Variants in IL1RAP observed in about 807,000 individuals in gnomAD.
IL1RAP encodes interleukin 1 receptor accessory protein.
IL1RAP carries 35 observed loss-of-function variants against 60.7 expected under a neutral mutation model. The ratio of observed to expected loss-of-function variants is 0.58; its 90% CI spans 0.44 to 0.76. The LOEUF (loss-of-function observed/expected upper bound fraction) is 0.76. IL1RAP is among the 30% of genes least tolerant of loss of function. IL1RAP has a pLI of 0.00. For missense variants in IL1RAP, 572 were observed against 693.9 expected, an observed-to-expected ratio of 0.82 and a Z score of 1.97; for synonymous variants, 268 against 250.9, an observed-to-expected ratio of 1.07 and a Z score of -0.64.
intron 9 of IL1RAP, among the ~76,000 whole-genome samples, chr3:190,638,161 A>G (rs893081889): frequency 7.9e-5 from 12 of 152,050 alleles, no homozygotes; most frequent in South Asian, 4.1e-4. Context: ...ATGAATACCT[A>G]TGAGTGGAAT....
chr3:190,591,999 A>G (rs1728982732), intron 3 of IL1RAP, among the ~76,000 whole-genome samples: 1 of 152,134 alleles, frequency 6.6e-6, no homozygotes, highest in South Asian at 2.1e-4. Context: ...CAGAAGAAGC[A>G]TACTCAGAAT....
Position 190,524,786 on chromosome 3 carries a change from G to A in IL1RAP, c.-89+10567G>A, listed in dbSNP as rs149800523. On this transcript the variant is annotated intron_variant, in intron 1 of 11. Coordinates refer to ENST00000447382, the MANE Select transcript of IL1RAP (RefSeq NM_002182.4). ...TAGTGTGATTATTTGTCCCCAAGAA[G>A]TAGAAAGAGATAGAACCGGATAAGA... 1.6e-3 allele frequency among the ~76,000 whole-genome samples: 249 copies of A among 152,184 alleles called. 1 individual carries two copies. The highest frequency in any genetic ancestry group is 5.7e-3 in the African/African-American group (236 of 41,532).
chr3:190,634,997 G>A (rs1366392747), intron 9 of IL1RAP, among the ~76,000 whole-genome samples: 1 of 152,178 alleles, frequency 6.6e-6, no homozygotes, highest in Non-Finnish European at 1.5e-5. Flanking sequence ...TTACAGGCGT[G>A]AGCCACCGTG....
chr3:190,520,070 G>T (rs372779417), intron 1 of IL1RAP, among the ~76,000 whole-genome samples: 1 of 152,174 alleles, frequency 6.6e-6, no homozygotes, highest in Admixed American at 6.5e-5. Flanking sequence ...CAGATGGAGA[G>T]GGGGAGTATA....
chr3:190,644,202 G>T, intron 9 of IL1RAP, 46 bp from the exon 10 acceptor site: 2 of 1,582,664 alleles, frequency 1.3e-6, no homozygotes, highest in Non-Finnish European at 1.7e-6. Context: ...GGGTCACTGT[G>T]GTCACCACAC....
chr3:190,538,091 T>A (rs1339044218), intron 1 of IL1RAP, among the ~76,000 whole-genome samples: 2 of 152,162 alleles, frequency 1.3e-5, no homozygotes, highest in Non-Finnish European at 2.9e-5. Flanking sequence ...TTCCTCTTCC[T>A]GTTTAGATGC....
At chr3:190,570,708 G>A (rs951957974) in intron 3 of IL1RAP, among the ~76,000 whole-genome samples, 14 of 152,164 alleles carry the variant, frequency 9.2e-5, no homozygotes, top group African/African-American at 3.1e-4. Context: ...TGGGATTACA[G>A]GCATTTGCCA....
chr3:190,522,428 T>G (rs1485897899), intron 1 of IL1RAP, among the ~76,000 whole-genome samples: 19 of 105,950 alleles, frequency 1.8e-4, no homozygotes, highest in African/African-American at 6.3e-4. Flanking sequence ...TGTATCTATC[T>G]ATCTATCTAT....
Position 190,629,346 on chromosome 3 carries a change from C to T in IL1RAP, c.903-4C>T. The T allele has an allele frequency of 6.3e-7, 1 of 1,589,328 alleles. No homozygotes were observed. Among genetic ancestry groups the T allele is most frequent in the South Asian group, 1.1e-5 (1 of 88,992 alleles). ...TGCTTTGATTTTCTTCTCTCTATTT[C>T]TAGTATAAGTCATAGTAGAACAGAA... On this transcript the variant is annotated splice_region_variant and splice_polypyrimidine_tract_variant and intron_variant, in intron 8 of 11. Coordinates refer to ENST00000447382, the MANE Select transcript of IL1RAP (RefSeq NM_002182.4).
At chr3:190,594,650 G>T (rs557477307) in intron 3 of IL1RAP, among the ~76,000 whole-genome samples, 50 of 152,250 alleles carry the variant, frequency 3.3e-4, no homozygotes, top group African/African-American at 1.2e-3. Context: ...AAACTGAGTG[G>T]CTATGTGCCT....
In IL1RAP at chr3:190,572,865, T is replaced by TTTTTTTG. The variant is rs1727069883; in HGVS notation, c.64+8518_64+8519insGTTTTTT. 1.2e-4 allele frequency among the ~76,000 whole-genome samples: 4 copies of TTTTTTTG among 32,072 alleles called. 1 individual carries two copies. Among genetic ancestry groups the TTTTTTTG allele is most frequent in the East Asian group, 4.3e-4 (1 of 2,348 alleles). The allele number at this position is 32,072 out of a possible 152,430, so 21.0% of individuals were successfully genotyped here. A position where few individuals can be genotyped will look rare whatever the true frequency, so the allele number is the denominator to read the frequency against. ...TGTCCAGGGTTAATGCTTTGTTTTT[T>TTTTTTTG]TTTTTTTTTTTTTTTTGAGACGGAG... On this transcript the variant is annotated intron_variant, in intron 3 of 11. Coordinates refer to ENST00000447382, the MANE Select transcript of IL1RAP (RefSeq NM_002182.4).
chr3:190,654,190 T>TCACACACACACACACACACACACA (rs57074064), downstream of IL1RAP, among the ~76,000 whole-genome samples: 3 of 140,414 alleles, frequency 2.1e-5, no homozygotes, highest in Admixed American at 7.1e-5. Context: ...AAACATCATA[T>TCACACACACACACACACACACACA]CACACACACA....
rs1721290538 is a variant in IL1RAP at position 190,514,150 on chromosome 3, G to C, written c.-158G>C. On this transcript the variant is annotated 5_prime_UTR_variant, in exon 1 of 12. Coordinates refer to ENST00000447382, the MANE Select transcript of IL1RAP (RefSeq NM_002182.4). ...TCCGCTTTGGCCAGAGGCGCGGAAG[G>C]AAGCAGTGCCCGGCGACACTGCACC... 1 of 152,304 alleles carries C rather than the reference G, an allele frequency of 6.6e-6. No homozygotes were observed. Among genetic ancestry groups the C allele is most frequent in the African/African-American group, 2.4e-5 (1 of 41,472 alleles). The allele number at this position is 152,304 out of a possible 1,614,324, so 9.4% of individuals were successfully genotyped here.
At chr3:190,618,665 C>T (rs951465345) in intron 5 of IL1RAP, among the ~76,000 whole-genome samples, 2 of 152,172 alleles carry the variant, frequency 1.3e-5, no homozygotes, top group African/African-American at 4.8e-5. Context: ...ATACTGTAAA[C>T]TCAATTCAAA....
At chr3:190,605,513 C>T (rs886596729) in intron 4 of IL1RAP, among the ~76,000 whole-genome samples, 6 of 152,060 alleles carry the variant, frequency 3.9e-5, no homozygotes, top group Admixed American at 2.0e-4. Flanking sequence ...TTTCTTTTAA[C>T]GACTTCCTGC....
chr3:190,641,459 T>G (rs1733657085), intron 9 of IL1RAP, among the ~76,000 whole-genome samples: 1 of 152,214 alleles, frequency 6.6e-6, no homozygotes, highest in South Asian at 2.1e-4. Flanking sequence ...ATCCAGCTAG[T>G]AGATTATTTA....
At chr3:190,629,329 T>C in intron 8 of IL1RAP, 21 bp from the exon 9 acceptor site, 1 of 1,556,520 alleles carries the variant, frequency 6.4e-7, no homozygotes, top group East Asian at 2.2e-5. Context: ...AATGCTTTGA[T>C]TTTCTTCTCT....
At chr3:190,631,758 AGAG>A (rs1181160646) in intron 9 of IL1RAP, among the ~76,000 whole-genome samples, 1 of 152,144 alleles carries the variant, frequency 6.6e-6, no homozygotes, top group East Asian at 1.9e-4. Context: ...TAAGTATTAA[AGAG>A]GAGGCAGTTG....
At chr3:190,583,338 T>C (rs906357538) in intron 3 of IL1RAP, among the ~76,000 whole-genome samples, 1 of 152,218 alleles carries the variant, frequency 6.6e-6, no homozygotes, top group African/African-American at 2.4e-5. Context: ...AGGTAACACT[T>C]AATTCTTTAA....
Sources: gnomAD v4.1 joint callset for allele counts (sites outside exome capture counted in the v4.1 genomes callset) on GRCh38, gnomAD v4.1.1 for gene constraint, MANE v1.5 for transcripts, NCBI Gene and HGNC (gene_info 2026-07-23, HGNC 2026-07-21) for gene names.